The following FAM13B variants were observed in gnomAD, a reference collection of about 807,000 sequenced individuals.
FAM13B encodes family with sequence similarity 13 member B.
Under a neutral mutation model 117.3 loss-of-function variants are expected in FAM13B, and 60 were observed. The ratio of observed to expected loss-of-function variants is 0.51; its 90% CI spans 0.42 to 0.63. FAM13B has a LOEUF of 0.63. Ranked by LOEUF, FAM13B falls within the 30% of genes least tolerant of loss-of-function variation. The pLI is 0.00. For synonymous variants in FAM13B, 332 were observed against 356.1 expected (o/e 0.93, Z 0.76); for missense variants, 972 against 1,091.9 (o/e 0.89, Z 1.55).
chr5:137,969,779 C>CT (rs1369276601), intron 10 of FAM13B, among the ~76,000 whole-genome samples: 1 of 152,094 alleles, frequency 6.6e-6, no homozygotes, highest in Admixed American at 6.5e-5. Flanking sequence ...GCTGATGTAG[C>CT]TGAAAACCAA....
Position 138,015,459 on chromosome 5 carries a change from C to A in FAM13B, c.370+2843G>T, listed in dbSNP as rs968730287. 2.6e-5 allele frequency among the ~76,000 whole-genome samples: 4 copies of A among 152,306 alleles called. No homozygotes were observed. In the East Asian group the frequency reaches 7.7e-4, roughly 29 times the overall value. On this transcript the variant is annotated intron_variant, in intron 4 of 23. Transcript: ENST00000689681. ...GGCTCATGCCTGTAATTCCAGCACT[C>A]TGGGAGGCCAAGGTGGGCAGATCAC...
At position 138,011,901 on chromosome 5, in the gene FAM13B, A is replaced by G; in HGVS notation, c.415T>C (p.Leu139=). The G allele has an allele frequency of 6.3e-7, 1 of 1,597,484 alleles. No individual in the cohort carries two copies. The highest frequency in any genetic ancestry group is 8.5e-7 in the Non-Finnish European group (1 of 1,175,550). Residue 139 remains leucine (L), a synonymous_variant, in exon 5 of 24, where the codon TTG becomes CTG. Coordinates refer to ENST00000689681, the MANE Select transcript of FAM13B (RefSeq NM_001385994.1). ...TAATTAACAGGTGGAAGCTGTTGCA[A>G]GAGGAACCTCAACTTTCTTCCAAAT... ...DEFGRKLRFL[L]QQLPPVNYSL...
chr5:137,976,056 T>A (rs1032120749), intron 10 of FAM13B, among the ~76,000 whole-genome samples: 5 of 139,922 alleles, frequency 3.6e-5, no homozygotes, highest in Non-Finnish European at 6.1e-5. Flanking sequence ...GCCTCCCGGG[T>A]TCATGCCATT....
At chr5:137,994,084 C>T (rs956136930) in intron 7 of FAM13B, among the ~76,000 whole-genome samples, 2 of 152,190 alleles carry the variant, frequency 1.3e-5, no homozygotes, top group East Asian at 3.9e-4. Context: ...ATCTTTTTTG[C>T]TTCCTAACCC....
intron 7 of FAM13B, among the ~76,000 whole-genome samples, chr5:138,001,180 C>T (rs1180030016): frequency 1.3e-5 from 2 of 152,076 alleles, no homozygotes; most frequent in Non-Finnish European, 2.9e-5. Flanking sequence ...CTTAGGATTC[C>T]AACATACTTT....
chr5:138,023,906 G>A (rs990863462), intron 1 of FAM13B, among the ~76,000 whole-genome samples: 3 of 152,134 alleles, frequency 2.0e-5, no homozygotes, highest in African/African-American at 7.2e-5. Context: ...TCTAGCTTGC[G>A]AACAGGTACT....
At chr5:138,044,335 T>C (rs1791582518) in intron 1 of FAM13B, among the ~76,000 whole-genome samples, 1 of 152,130 alleles carries the variant, frequency 6.6e-6, no homozygotes, top group Non-Finnish European at 1.5e-5. Context: ...GCGGATCACC[T>C]GAGGTCAGGA....
chr5:137,967,982 T>G (rs1260893905), intron 10 of FAM13B, among the ~76,000 whole-genome samples: 1 of 151,946 alleles, frequency 6.6e-6, no homozygotes, highest in Admixed American at 6.6e-5. Flanking sequence ...CCAGCACTTT[T>G]GGAGGCTGAG....
At chr5:138,011,378 C>T (rs1389496766) in intron 5 of FAM13B, among the ~76,000 whole-genome samples, 1 of 152,050 alleles carries the variant, frequency 6.6e-6, no homozygotes, top group Non-Finnish European at 1.5e-5. Context: ...ACCTGCGATC[C>T]TTGGGAGACA....
intron 7 of FAM13B, among the ~76,000 whole-genome samples, chr5:138,001,793 C>A (rs1239064879): frequency 6.6e-6 from 1 of 152,052 alleles, no homozygotes; most frequent in African/African-American, 2.4e-5. Context: ...ACTGAGAGAA[C>A]CATGCAGCTA....
intron 10 of FAM13B, among the ~76,000 whole-genome samples, chr5:137,981,889 C>T (rs897125794): frequency 2.6e-5 from 4 of 151,940 alleles, no homozygotes; most frequent in African/African-American, 9.7e-5. Context: ...CATAAACAGA[C>T]AGTGATGAGG....
chr5:137,964,463 G>C (rs911410332), intron 10 of FAM13B, among the ~76,000 whole-genome samples: 6 of 150,954 alleles, frequency 4.0e-5, no homozygotes, highest in African/African-American at 1.5e-4. Context: ...GCTCACACCT[G>C]TAATCCCAGC....
At chr5:138,044,532 A>G (rs901285858) in intron 1 of FAM13B, among the ~76,000 whole-genome samples, 1 of 150,770 alleles carries the variant, frequency 6.6e-6, no homozygotes, top group Admixed American at 6.6e-5. Flanking sequence ...AGCCTGGGCG[A>G]CAGAGCAAGA....
At chr5:138,022,940 G>GC (rs1356945715) in intron 1 of FAM13B, among the ~76,000 whole-genome samples, 1 of 151,382 alleles carries the variant, frequency 6.6e-6, no homozygotes, top group African/African-American at 2.4e-5. Context: ...GCAATCCCCT[G>GC]CCTCAGCCTC....
At chr5:138,051,407 T>C (rs1791795057) in intron 1 of FAM13B, among the ~76,000 whole-genome samples, 1 of 152,240 alleles carries the variant, frequency 6.6e-6, no homozygotes, top group African/African-American at 2.4e-5. Context: ...AGAGGTGTTA[T>C]AAAAATATAT....
intron 10 of FAM13B, among the ~76,000 whole-genome samples, chr5:137,966,556 CAAT>C (rs1770022986): frequency 8.4e-6 from 1 of 119,176 alleles, no homozygotes; most frequent in African/African-American, 3.2e-5. Context: ...TAAAACTCAA[CAAT>C]AAGAAAACAA....
chr5:138,016,303 T>C (rs1386300148), intron 4 of FAM13B, among the ~76,000 whole-genome samples: 1 of 152,164 alleles, frequency 6.6e-6, no homozygotes, highest in Non-Finnish European at 1.5e-5. Flanking sequence ...CATGATGCTG[T>C]CATAATTTTA....
chr5:137,956,221 A>G (rs899728040), intron 14 of FAM13B, among the ~76,000 whole-genome samples: 3 of 152,250 alleles, frequency 2.0e-5, no homozygotes, highest in Admixed American at 2.0e-4. Context: ...ATCCCACAAT[A>G]AACCCAACAA....
chr5:137,972,528 C>T (rs1177748311), intron 10 of FAM13B, among the ~76,000 whole-genome samples: 1 of 151,732 alleles, frequency 6.6e-6, no homozygotes, highest in Non-Finnish European at 1.5e-5. Context: ...AAACTGGAAG[C>T]ATTCCCTTTG....
Sources: allele counts gnomAD v4.1 joint callset (sites outside exome capture counted in the v4.1 genomes callset), GRCh38; gene constraint gnomAD v4.1.1; transcripts MANE v1.5; gene names NCBI Gene and HGNC (gene_info 2026-07-23, HGNC 2026-07-21).